MGMT: variants seen among roughly 807,000 people sequenced by gnomAD.
The protein encoded by MGMT is methylated-DNA--protein-cysteine methyltransferase.
A neutral mutation model predicts 15.9 loss-of-function variants in MGMT; 14 were observed. That is an observed-to-expected ratio of 0.88 (90% CI 0.58 to 1.37). The LOEUF is 1.37. Ranked by LOEUF, MGMT falls within the 40% of genes most tolerant of loss-of-function variation. The probability of loss-of-function intolerance (pLI) is 0.00; values close to 1 mark genes in which losing one functional copy is unlikely to be tolerated. For missense variants in MGMT, 282 were observed against 268.1 expected (o/e 1.05, Z -0.36); for synonymous variants, 130 against 118.2 (o/e 1.10, Z -0.65).
At chr10:129,467,414 ACCC>A in intron 1 of MGMT, 118 bp downstream of exon 1, 1 of 1,358,352 alleles carries the variant, frequency 7.4e-7, no homozygotes, top group Non-Finnish European at 9.5e-7. Context: ...GGCCGCCCTG[ACCC>A]CCACCCATCC....
At chr10:129,646,735 TATATA>T (rs1847394545) in intron 2 of MGMT, among the ~76,000 whole-genome samples, 1 of 103,674 alleles carries the variant, frequency 9.6e-6, no homozygotes, top group Non-Finnish European at 2.1e-5. Flanking sequence ...TATATATATA[TATATA>T]TATATATATA....
At chr10:129,635,012 G>A (rs1419039596) in intron 2 of MGMT, among the ~76,000 whole-genome samples, 4 of 152,180 alleles carry the variant, frequency 2.6e-5, no homozygotes, top group Non-Finnish European at 5.9e-5. Context: ...TTTGGGTCTT[G>A]CTTTTAAGAT....
rs919093471 is a variant in MGMT, at chr10:129,766,980, C to T, written c.607C>T (p.Pro203Ser). ...AGCGGGAGCTACCTCGGGCTCCCCG[C>T]CTGCTGGCCGAAACTGAGTATGTGC... ...KGAGATSGSP[P>S]AGRN The change falls in exon 5 of 5, where the codon CCT becomes TCT. Residue 203 changes from proline to serine, a missense_variant. Transcript: ENST00000651593. 4 of 1,602,590 alleles carry T rather than the reference C, an allele frequency of 2.5e-6. No homozygotes were observed. The African/African-American group carries it at 4.0e-5, about 16-fold the overall frequency.
intron 2 of MGMT, among the ~76,000 whole-genome samples, chr10:129,588,630 G>GC (rs1846644941): frequency 6.6e-6 from 1 of 152,092 alleles, no homozygotes; most frequent in African/African-American, 2.4e-5. Context: ...AGTAGCATGG[G>GC]CCCCCGAACC....
chr10:129,686,467 C>T (rs190078329), intron 2 of MGMT, among the ~76,000 whole-genome samples: 141 of 152,178 alleles, frequency 9.3e-4, no homozygotes, highest in African/African-American at 3.1e-3. Flanking sequence ...CTCTGCCTCC[C>T]GGGTTCAAGG....
chr10:129,712,193 T>G (rs1220431029), intron 3 of MGMT, among the ~76,000 whole-genome samples: 4 of 152,156 alleles, frequency 2.6e-5, no homozygotes, highest in Non-Finnish European at 5.9e-5. Context: ...CCCAGGCTGC[T>G]GAGGGAGGTC....
chr10:129,659,875 AG>A lies in MGMT; in HGVS notation c.126-48018del, dbSNP rs1847576086. On this transcript the variant is annotated intron_variant, in intron 2 of 4. Transcript: ENST00000651593. The surrounding 1 kb of genome is among the most constrained non-coding windows in gnomAD (Gnocchi z 4.1). ...CACCTGATGTTTGGGCACGGGCGAC[AG>A]GACGTAGGGTGGTCATCCGAATATC... 6.6e-6 allele frequency among the ~76,000 whole-genome samples: 1 copy of A among 152,158 alleles called. No homozygotes were observed. The highest frequency in any genetic ancestry group is 2.4e-5 in the African/African-American group (1 of 41,398).
intron 3 of MGMT, among the ~76,000 whole-genome samples, chr10:129,727,097 A>G (rs572287105): frequency 9.8e-5 from 15 of 152,330 alleles, no homozygotes; most frequent in African/African-American, 2.9e-4. Flanking sequence ...GAGAAGAGCC[A>G]TGGGTTAGCC....
intron 2 of MGMT, among the ~76,000 whole-genome samples, chr10:129,642,017 A>G (rs1847332700): frequency 6.6e-6 from 1 of 152,210 alleles, no homozygotes; most frequent in South Asian, 2.1e-4. Flanking sequence ...TCTGCTCATA[A>G]TTCTAGTAGG....
chr10:129,634,005 T>C (rs1847238949), intron 2 of MGMT, among the ~76,000 whole-genome samples: 1 of 152,230 alleles, frequency 6.6e-6, no homozygotes, highest in Non-Finnish European at 1.5e-5. Context: ...CCTGACAGTT[T>C]CCTTCACCCT....
intron 2 of MGMT, among the ~76,000 whole-genome samples, chr10:129,577,417 C>A (rs1241475007): frequency 6.6e-6 from 1 of 152,064 alleles, no homozygotes; most frequent in East Asian, 1.9e-4. Flanking sequence ...ATAAACCTGA[C>A]AAAAAGAAGA....
intron 2 of MGMT, among the ~76,000 whole-genome samples, chr10:129,581,822 C>A (rs997234570): frequency 1.3e-5 from 2 of 152,204 alleles, no homozygotes; most frequent in East Asian, 1.9e-4. Context: ...GGAGACAAAA[C>A]CATTTCCGGG....
At chr10:129,604,885 A>G (rs936553298) in intron 2 of MGMT, among the ~76,000 whole-genome samples, 2 of 152,230 alleles carry the variant, frequency 1.3e-5, no homozygotes, top group African/African-American at 4.8e-5. Context: ...GGCTGCGTCA[A>G]TAAAGATAGC....
rs545616706 is a variant in MGMT at position 129,515,527 on chromosome 10, G to A, written c.-12-20714G>A. Among the ~76,000 whole-genome samples, 16 of 152,304 alleles carry A rather than the reference G, an allele frequency of 1.1e-4. 1 individual carries two copies. The South Asian group carries it at 3.3e-3, about 32-fold the overall frequency. On this transcript the variant is annotated intron_variant, in intron 1 of 4. Transcript: ENST00000651593. ...CAGCTGGCTCTTTAATGGGAAAGTT[G>A]GTGCTTTAGTGGAAGCTCCAGTCCC...
intron 2 of MGMT, among the ~76,000 whole-genome samples, chr10:129,635,708 A>G (rs1361466578): frequency 6.6e-6 from 1 of 152,198 alleles, no homozygotes; most frequent in Non-Finnish European, 1.5e-5. Flanking sequence ...CTGATCATCG[A>G]TAGCACTTTT....
At chr10:129,658,967 A>C (rs1354117844) in intron 2 of MGMT, among the ~76,000 whole-genome samples, 2 of 152,168 alleles carry the variant, frequency 1.3e-5, no homozygotes, top group Non-Finnish European at 2.9e-5. Context: ...TGGCATAGGT[A>C]CCATTCAATG....
intron 2 of MGMT, among the ~76,000 whole-genome samples, chr10:129,596,262 C>T (rs1050131174): frequency 3.9e-5 from 6 of 152,122 alleles, no homozygotes; most frequent in African/African-American, 1.4e-4. Context: ...ATCCCAGCCC[C>T]CTCCCCAACT....
chr10:129,734,793 G>C (rs1055684471), intron 3 of MGMT, among the ~76,000 whole-genome samples: 1 of 152,086 alleles, frequency 6.6e-6, no homozygotes, highest in African/African-American at 2.4e-5. Flanking sequence ...TTTGTCAAAG[G>C]CCTTTTCTGC....
chr10:129,586,492 G>T (rs1028923023), intron 2 of MGMT, among the ~76,000 whole-genome samples: 1 of 152,080 alleles, frequency 6.6e-6, no homozygotes, highest in Non-Finnish European at 1.5e-5. Context: ...GAATTATAAC[G>T]TATAGTCTCT....
Sources: allele counts gnomAD v4.1 joint callset (sites outside exome capture counted in the v4.1 genomes callset), GRCh38; gene constraint gnomAD v4.1.1; non-coding constraint Gnocchi (gnomAD v3.1); transcripts MANE v1.5; gene names NCBI Gene and HGNC (gene_info 2026-07-23, HGNC 2026-07-21).